OXR1: variants seen among roughly 807,000 people sequenced by gnomAD.
The protein encoded by OXR1 is oxidation resistance protein 1.
OXR1 carries 41 observed loss-of-function variants against 104.6 expected under a neutral mutation model. That is an observed-to-expected ratio of 0.39 (90% CI 0.31 to 0.51). OXR1 has a LOEUF of 0.51. Ranked by LOEUF, OXR1 falls within the 20% of genes least tolerant of loss-of-function variation. The probability of loss-of-function intolerance (pLI) is 0.77; values close to 1 mark genes in which losing one functional copy is unlikely to be tolerated. For synonymous variants in OXR1, 348 were observed against 348.4 expected (o/e 1.00, Z 0.01); for missense variants, 955 against 1,031.9 (o/e 0.93, Z 1.02).
At chr8:106,407,091 C>G (rs1818273219) in intron 2 of OXR1, among the ~76,000 whole-genome samples, 1 of 152,114 alleles carries the variant, frequency 6.6e-6, no homozygotes, top group African/African-American at 2.4e-5. Context: ...CTAAAAGTAT[C>G]TGGACTATGG....
At chr8:106,413,566 C>T (rs28453794) in intron 2 of OXR1, among the ~76,000 whole-genome samples, 17,731 of 151,982 alleles carry the variant, frequency 0.12, 1,470 homozygotes, top group East Asian at 0.42. Context: ...GGTTAAGGGT[C>T]AATAATTAGA....
At chr8:106,518,683 G>GA (rs1008030452) in intron 2 of OXR1, among the ~76,000 whole-genome samples, 3 of 151,850 alleles carry the variant, frequency 2.0e-5, no homozygotes, top group Admixed American at 1.3e-4. Flanking sequence ...ATTGGTTATT[G>GA]AAAAAATAAA....
At chr8:106,725,704 G>A (rs1474798959) in intron 11 of OXR1, among the ~76,000 whole-genome samples, 1 of 152,078 alleles carries the variant, frequency 6.6e-6, no homozygotes, top group East Asian at 1.9e-4. Flanking sequence ...TAAAATTTTA[G>A]GGTGGAAGAG....
chr8:106,286,479 G>C (rs769692672), intron 1 of OXR1, among the ~76,000 whole-genome samples: 23 of 151,212 alleles, frequency 1.5e-4, no homozygotes, highest in Non-Finnish European at 2.6e-4. Context: ...GATATCATCT[G>C]GTATAGATGT....
At chr8:106,473,596 AG>A (rs1821634837) in intron 2 of OXR1, among the ~76,000 whole-genome samples, 1 of 151,928 alleles carries the variant, frequency 6.6e-6, no homozygotes, top group Admixed American at 6.6e-5. Context: ...GTTTTCTAAA[AG>A]GCTCTAAAAA....
intron 3 of OXR1, among the ~76,000 whole-genome samples, chr8:106,530,857 A>G (rs566966220): frequency 6.6e-6 from 1 of 152,344 alleles, no homozygotes; most frequent in African/African-American, 2.4e-5. Context: ...GTGGGTTTAT[A>G]ACTGAAACAT....
At chr8:106,720,515 TC>T (rs1250928197) in intron 11 of OXR1, among the ~76,000 whole-genome samples, 1 of 152,252 alleles carries the variant, frequency 6.6e-6, no homozygotes, top group Non-Finnish European at 1.5e-5. Context: ...CTTTTCATAT[TC>T]CTTTCATCTG....
intron 2 of OXR1, among the ~76,000 whole-genome samples, chr8:106,466,549 T>C (rs535404448): frequency 6.6e-6 from 1 of 152,034 alleles, no homozygotes; most frequent in South Asian, 2.1e-4. Context: ...TCTTATAAAC[T>C]TAATTTATAA....
At position 106,526,329 on chromosome 8, in the gene OXR1, G is replaced by C. The variant is rs544157202; in HGVS notation, c.220+7190G>C. Among the ~76,000 whole-genome samples, 26 of 152,202 alleles carry C rather than the reference G, an allele frequency of 1.7e-4. No individual in the cohort carries two copies. In the South Asian group the frequency reaches 5.2e-3, roughly 30 times the overall value. ...TTGGAATCAGATTAGCTTATGAAAA[G>C]ACTAATGGAATTGATATTTGCAGCA... On this transcript the variant is annotated intron_variant, in intron 3 of 16. Transcript: ENST00000517566.
At chr8:106,432,713 T>C (rs536126153) in intron 2 of OXR1, among the ~76,000 whole-genome samples, 4 of 152,298 alleles carry the variant, frequency 2.6e-5, no homozygotes, top group African/African-American at 9.6e-5. Flanking sequence ...TGCATGCATG[T>C]AGGATGCATT....
At chr8:106,282,239 G>A (rs1345125765) in intron 1 of OXR1, among the ~76,000 whole-genome samples, 1 of 152,112 alleles carries the variant, frequency 6.6e-6, no homozygotes, top group African/African-American at 2.4e-5. Flanking sequence ...TTAATTATGG[G>A]TGTGGGTCAG....
At chr8:106,677,453 C>G (rs1827716737) in intron 3 of OXR1, among the ~76,000 whole-genome samples, 1 of 151,976 alleles carries the variant, frequency 6.6e-6, no homozygotes, top group South Asian at 2.1e-4. Context: ...TATTGCATTG[C>G]CACCAGGAAT....
chr8:106,402,381 T>C (rs1818035663), intron 2 of OXR1, among the ~76,000 whole-genome samples: 1 of 152,336 alleles, frequency 6.6e-6, no homozygotes, highest in East Asian at 1.9e-4. Flanking sequence ...TTTGCCATAA[T>C]GATCCTGACT....
At chr8:106,405,181 TATATATATATATATATATATA>T (rs1326327608) in intron 2 of OXR1, among the ~76,000 whole-genome samples, 1,240 of 17,546 alleles carry the variant, frequency 0.071, 20 homozygotes, top group African/African-American at 0.14. Context: ...TATATATATA[TATATATATATATATATATATA>T]GTGTGTGTGT....
chr8:106,435,406 A>C (rs1819529959), intron 2 of OXR1, among the ~76,000 whole-genome samples: 1 of 152,134 alleles, frequency 6.6e-6, no homozygotes. Context: ...CTTGTCAGTC[A>C]TTCAGTCAGG....
chr8:106,310,361 C>T (rs897259416), intron 1 of OXR1, among the ~76,000 whole-genome samples: 1 of 151,956 alleles, frequency 6.6e-6, no homozygotes, highest in African/African-American at 2.4e-5. Flanking sequence ...AGACATTCCT[C>T]AGACAGTTGT....
intron 2 of OXR1, among the ~76,000 whole-genome samples, chr8:106,471,336 C>A (rs569298333): frequency 1.3e-5 from 2 of 151,514 alleles, no homozygotes; most frequent in South Asian, 4.2e-4. Flanking sequence ...CTATTAATTG[C>A]TTAGAGAGTT....
intron 2 of OXR1, among the ~76,000 whole-genome samples, chr8:106,437,021 G>T (rs1819608162): frequency 6.6e-6 from 1 of 152,284 alleles, no homozygotes; most frequent in East Asian, 1.9e-4. Flanking sequence ...CTTTCTATGT[G>T]CCTCCAGTGC....
At chr8:106,685,215 T>C (rs1425036453) in intron 6 of OXR1, among the ~76,000 whole-genome samples, 1 of 152,238 alleles carries the variant, frequency 6.6e-6, no homozygotes, top group East Asian at 1.9e-4. Context: ...ACTTACCAAA[T>C]GACACAATAC....
Sources: gnomAD v4.1 joint callset for allele counts (sites outside exome capture counted in the v4.1 genomes callset) on GRCh38, gnomAD v4.1.1 for gene constraint, MANE v1.5 for transcripts, NCBI Gene and HGNC (gene_info 2026-07-23, HGNC 2026-07-21) for gene names.